Variants in MYH3 observed in about 807,000 individuals in gnomAD.
MYH3 encodes myosin-3.
Under a neutral mutation model 238.0 loss-of-function variants are expected in MYH3, and 130 were observed. The ratio of observed to expected loss-of-function variants is 0.55; its 90% confidence interval spans 0.47 to 0.63. MYH3 has a LOEUF of 0.63. MYH3 is among the 30% of genes least tolerant of loss of function. MYH3 has a pLI of 0.00. For missense variants in MYH3, 1,853 were observed against 2,374.9 expected, an observed-to-expected ratio of 0.78 and a Z score of 4.57; for synonymous variants, 880 against 924.1, an observed-to-expected ratio of 0.95 and a Z score of 0.86.
In MYH3 at chr17:10,634,911, G is replaced by T; in HGVS notation, c.4285C>A (p.Leu1429Met). The T allele has an allele frequency of 6.2e-7, 1 of 1,614,078 alleles. No individual in the cohort carries two copies. Among genetic ancestry groups the T allele is most frequent in the Non-Finnish European group, 8.5e-7 (1 of 1,180,022 alleles). ...TTGGCTCTTTCAACATCAACCATCA[G>T]ATCCTCCACCTCTCCTTGCAGCCTC... ...KQRLQGEVEDLMVDVERANSL... is the reference protein window; with the variant it reads ...KQRLQGEVEDMMVDVERANSL... The change falls in exon 31 of 41, where the codon CTG becomes ATG. Residue 1429 changes from leucine to methionine, a missense_variant. Leu to Met is a conservative substitution (Grantham distance 15). Transcript: ENST00000583535.
the MYH3 span, among the ~76,000 whole-genome samples, chr17:10,666,579 A>C: frequency 8.3e-5 from 7 of 84,436 alleles, no homozygotes; most frequent in African/African-American, 7.9e-5. Context: ...TTGTCTCTAC[A>C]AAAAAAAAAA....
In MYH3 at chr17:10,631,886, G is replaced by C. The variant is rs564468476; in HGVS notation, c.5087C>G (p.Thr1696Arg). 1.2e-6 allele frequency: 2 copies of C among 1,614,108 alleles called. No individual in the cohort carries two copies. Among genetic ancestry groups the C allele is most frequent in the Admixed American group, 1.7e-5 (1 of 60,010 alleles). Residue 1696 changes from threonine (T) to arginine (R), a missense_variant, in exon 35 of 41, where the codon ACG becomes AGG. Physicochemically the swap from Thr to Arg is moderately conservative, Grantham distance 71 (BLOSUM62 -1). Transcript: ENST00000583535. Reference protein sequence around the residue: ...VEELRATLEQTERARKLAEQE... With the variant: ...VEELRATLEQRERARKLAEQE... ...TTCCGCCAGTTTCCGGGCCCTCTCCGTCTGCTCCAGAGTAGCCCGCAGCTC... is the reference window on the plus strand; with the variant it reads ...TTCCGCCAGTTTCCGGGCCCTCTCCCTCTGCTCCAGAGTAGCCCGCAGCTC...
At chr17:10,630,513 C>CT (rs2074145537) in intron 36 of MYH3, 55 bp from the exon 37 acceptor site, 1 of 1,611,272 alleles carries the variant, frequency 6.2e-7, no homozygotes, top group African/African-American at 1.3e-5. Context: ...TGCCTTGGAA[C>CT]TGTCAAAACC....
chr17:10,651,760 T>C, intron 4 of MYH3, 92 bp from the exon 5 acceptor site: 1 of 1,488,130 alleles, frequency 6.7e-7, no homozygotes, highest in South Asian at 1.2e-5. Flanking sequence ...TTTTTTTTTT[T>C]TTGAGACGGA....
chr17:10,646,100 C>T, intron 10 of MYH3, 68 bp from the exon 11 acceptor site: 3 of 1,311,250 alleles, frequency 2.3e-6, no homozygotes, highest in Non-Finnish European at 3.3e-6. Flanking sequence ...TGGACTTGAG[C>T]TCCTGCACCC....
At position 10,639,543 on chromosome 17, in the gene MYH3, A is replaced by G; in HGVS notation, c.2925+17T>C. Reference sequence around the variant, plus strand: ...GCAATGACTATATCAAGCTAGACACACCTACAATAAGAATACCTTGTTCTC... The same window carrying G: ...GCAATGACTATATCAAGCTAGACACGCCTACAATAAGAATACCTTGTTCTC... On this transcript the variant is annotated intron_variant, in intron 23 of 40. Transcript: ENST00000583535. 1 of 1,614,134 alleles carries G rather than the reference A, an allele frequency of 6.2e-7. No individual in the cohort carries two copies. The highest frequency in any genetic ancestry group is 8.5e-7 in the Non-Finnish European group (1 of 1,180,020).
rs755286824 is a variant in MYH3 at position 10,646,015 on chromosome 17, T to C, written c.916A>G (p.Thr306Ala). The change falls in exon 11 of 41, where the codon ACC (threonine) becomes GCC (alanine). Residue 306 changes from threonine to alanine, a missense_variant. Transcript: ENST00000583535. ...ATGAACGGGTAGTCGTAAGGGTTGG[T>C]CGTAATAAGCAGCAGCTCTGAAATG... Reference protein sequence around the residue: ...PELIELLLITTNPYDYPFISQ... With the variant: ...PELIELLLITANPYDYPFISQ... 2 of 1,613,806 alleles carry C rather than the reference T, an allele frequency of 1.2e-6. No individual in the cohort carries two copies. Among genetic ancestry groups the C allele is most frequent in the Non-Finnish European group, 1.7e-6 (2 of 1,179,884 alleles).
Position 10,635,565 on chromosome 17 carries a change from T to A in MYH3, c.3976-2A>T, listed in dbSNP as rs780214460. 6.2e-7 allele frequency: 1 copy of A among 1,614,238 alleles called. No individual in the cohort carries two copies. The highest frequency in any genetic ancestry group is 8.5e-7 in the Non-Finnish European group (1 of 1,180,038). On this transcript the variant is annotated splice_acceptor_variant, in intron 29 of 40. Coordinates refer to ENST00000583535, the MANE Select transcript of MYH3 (RefSeq NM_002470.4). LOFTEE classifies it high-confidence loss of function. ...GGCGTGCGCCAGGGCGTTCTTGGCC[T>A]GCAGAAGTTAAAAAGAGAAGAGCAC...
chr17:10,649,929 T>G (rs2074359383), intron 6 of MYH3, among the ~76,000 whole-genome samples: 1 of 152,138 alleles, frequency 6.6e-6, no homozygotes, highest in South Asian at 2.1e-4. Context: ...TTCCTCCCCA[T>G]CCCCAAATCG....
intron 1 of MYH3, among the ~76,000 whole-genome samples, chr17:10,657,069 C>T (rs2074439615): frequency 6.6e-6 from 1 of 152,084 alleles, no homozygotes; most frequent in African/African-American, 2.4e-5. Flanking sequence ...CTGCAGGGCT[C>T]CTGCTTGGGG....
intron 30 of MYH3, 74 bp from the exon 31 acceptor site, chr17:10,635,097 G>C: frequency 1.3e-6 from 2 of 1,495,720 alleles, no homozygotes; most frequent in Admixed American, 1.7e-5. Context: ...CATCAAGTTG[G>C]AATCACTAAT....
the MYH3 span, among the ~76,000 whole-genome samples, chr17:10,670,241 G>T: frequency 1.3e-5 from 2 of 152,156 alleles, no homozygotes; most frequent in Non-Finnish European, 2.9e-5. This position sits in a 1 kb window ranked among gnomAD's most constrained non-coding sequence, Gnocchi z 7.0. Flanking sequence ...AGAGTAGTAG[G>T]TCAAGGGAGA....
Position 10,630,130 on chromosome 17 carries a change from T to A in MYH3, c.5524A>T (p.Arg1842Trp), listed in dbSNP as rs1318668514. ...KKNTESVKGL[R>W]KYERRVKELT... ...TCCTTGACCCTCCGCTCATACTTCC[T>A]CAGGCCCTTAACAGACTCTGTGTTC... Residue 1842 changes from arginine to tryptophan, a missense_variant, in exon 38 of 41, where the codon AGG becomes TGG. Around this residue, in one of 3 missense-constraint regions of MYH3, gnomAD observed 1,044 missense variants for 1,192.6 expected, o/e 0.88. Coordinates refer to ENST00000583535, the MANE Select transcript of MYH3 (RefSeq NM_002470.4). 6.2e-7 allele frequency: 1 copy of A among 1,614,064 alleles called. No individual in the cohort carries two copies. Among genetic ancestry groups the A allele is most frequent in the East Asian group, 2.2e-5 (1 of 44,890 alleles).
At chr17:10,633,484 G>T in intron 33 of MYH3, 107 bp downstream of exon 33, 1 of 1,440,354 alleles carries the variant, frequency 6.9e-7, no homozygotes, top group Non-Finnish European at 9.6e-7. Flanking sequence ...CATTAGGACT[G>T]TGATTTGACA....
At chr17:10,650,317 G>A (rs2074362815) in intron 6 of MYH3, 57 bp downstream of exon 6, 15 of 1,538,228 alleles carry the variant, frequency 9.8e-6, no homozygotes, top group Non-Finnish European at 1.3e-5. Flanking sequence ...ACTTTCTAAT[G>A]AACAGAATAG....
chr17:10,640,507 G>C (rs375662324), intron 20 of MYH3, 38 bp from the exon 21 acceptor site: 11 of 1,614,128 alleles, frequency 6.8e-6, no homozygotes, highest in Non-Finnish European at 9.3e-6. Flanking sequence ...CAGTTTCCTA[G>C]AGAAGCTGTG....
At chr17:10,650,661 C>G (rs1056373121) in intron 5 of MYH3, among the ~76,000 whole-genome samples, 2 of 152,162 alleles carry the variant, frequency 1.3e-5, no homozygotes, top group Admixed American at 1.3e-4. Flanking sequence ...ATGATTAAAT[C>G]AAGCTAATTA....
rs781114948 is a variant in MYH3, at chr17:10,646,016, C to T, written c.915G>A (p.Thr305=). The T allele has an allele frequency of 1.2e-5, 19 of 1,613,588 alleles. No homozygotes were observed. Among genetic ancestry groups the T allele is most frequent in the South Asian group, 5.5e-5 (5 of 91,010 alleles). Residue 305 remains threonine, a synonymous_variant, in exon 11 of 41, where the codon ACG becomes ACA. Coordinates refer to ENST00000583535, the MANE Select transcript of MYH3 (RefSeq NM_002470.4). ...KPELIELLLI[T]TNPYDYPFIS... ...TGAACGGGTAGTCGTAAGGGTTGGT[C>T]GTAATAAGCAGCAGCTCTGAAATGA...
At position 10,645,715 on chromosome 17, in the gene MYH3, C is replaced by A; in HGVS notation, c.1133G>T (p.Gly378Val). 6.2e-7 allele frequency: 1 copy of A among 1,612,656 alleles called. No homozygotes were observed. The highest frequency in any genetic ancestry group is 8.5e-7 in the Non-Finnish European group (1 of 1,179,994). The change falls in exon 12 of 41, where the codon GGC (glycine) becomes GTC (valine). Residue 378 changes from glycine (G) to valine (V), a missense_variant. Transcript: ENST00000583535. ...KQREEQAEPD[G>V]TEVADKTAYL... ...TCACACTGATTTTGTACCTTCTGTG[C>A]CATCCGGCTCGGCCTGCTCCTCTCG...
Sources: gnomAD v4.1 joint callset for allele counts (sites outside exome capture counted in the v4.1 genomes callset) on GRCh38, gnomAD v4.1.1 for gene constraint, gnomAD v4.1.1 regional missense constraint, Gnocchi (gnomAD v3.1) non-coding constraint, MANE v1.5 for transcripts, NCBI Gene and HGNC (gene_info 2026-07-23, HGNC 2026-07-21) for gene names.